The following FAM110A variants were observed in gnomAD, a reference collection of about 807,000 sequenced individuals.
FAM110A encodes the protein family with sequence similarity 110 member A.
In FAM110A, 1 loss-of-function variant was observed where a neutral mutation model predicts 4.0. The ratio of observed to expected loss-of-function variants is 0.25; its 90% CI spans 0.09 to 1.20. FAM110A has a LOEUF of 1.20. Among genes scored for constraint, FAM110A ranks in the 50% most tolerant of loss-of-function variants. The pLI, the probability that FAM110A is intolerant of heterozygous loss-of-function variation, is 0.50. For missense variants in FAM110A, 436 were observed against 429.2 expected (o/e 1.02, Z -0.14); for synonymous variants, 217 against 196.8 (o/e 1.10, Z -0.86).
Position 845,443 on chromosome 20 carries a change from G to A in FAM110A, c.639G>A (p.Pro213=), listed in dbSNP as rs1161219752. 6.2e-7 allele frequency: 1 copy of A among 1,613,690 alleles called. No homozygotes were observed. Among genetic ancestry groups the A allele is most frequent in the South Asian group, 1.1e-5 (1 of 91,066 alleles). ...TTTTTAACTTCTGCGGCCTGGACCC[G>A]GAGGAGGCGAGAGGGTTGGGTGTGG... ...ERFFNFCGLD[P]EEARGLGVAH... Residue 213 remains proline, a synonymous_variant, in exon 2 of 2, where the codon CCG becomes CCA. Coordinates refer to ENST00000381941, the MANE Select transcript of FAM110A (RefSeq NM_001042353.3).
Position 845,941 on chromosome 20 carries a change from A to C in FAM110A, c.*249A>C. 2 of 691,080 alleles carry C rather than the reference A, an allele frequency of 2.9e-6. No homozygotes were observed. Among genetic ancestry groups the C allele is most frequent in the South Asian group, 3.9e-5 (2 of 50,790 alleles). The allele number at this position is 691,080 out of a possible 1,614,324, so 42.8% of individuals were successfully genotyped here. A position where few individuals can be genotyped will look rare whatever the true frequency, so the allele number is the denominator to read the frequency against. ...CCTCCCCCAATACAAGGTTTTTGACATGAGTGTACTCCTGCTTAGTTCCTC... is the reference window on the plus strand; with the variant it reads ...CCTCCCCCAATACAAGGTTTTTGACCTGAGTGTACTCCTGCTTAGTTCCTC... On this transcript the variant is annotated 3_prime_UTR_variant, in exon 2 of 2. Coordinates refer to ENST00000381941, the MANE Select transcript of FAM110A (RefSeq NM_001042353.3).
At position 840,588 on chromosome 20, in the gene FAM110A, A is replaced by T. The variant is rs1422588883; in HGVS notation, c.-97-4120A>T. Among the ~76,000 whole-genome samples the T allele has an allele frequency of 6.6e-6, 1 of 152,180 alleles. No individual in the cohort carries two copies. The highest frequency in any genetic ancestry group is 1.9e-4 in the East Asian group (1 of 5,184). ...CAAAATTCTAGTTATTGTTGTTACT[A>T]TGACGGCTGTTGTTGCCGATGTTAA... On this transcript the variant is annotated intron_variant, in intron 1 of 1. Transcript: ENST00000381941. The surrounding 1 kb of genome is among the most constrained non-coding windows in gnomAD (Gnocchi z 4.4).
chr20:845,029 G>T lies in FAM110A; in HGVS notation c.225G>T (p.Pro75=), dbSNP rs537185607. 302 of 1,593,964 alleles carry T rather than the reference G, an allele frequency of 1.9e-4. 3 individuals carry two copies. In the South Asian group the frequency reaches 3.1e-3, roughly 16 times the overall value. Residue 75 remains proline, a synonymous_variant, in exon 2 of 2, where the codon CCG becomes CCT. Coordinates refer to ENST00000381941, the MANE Select transcript of FAM110A (RefSeq NM_001042353.3). ...EPVQPLLSKQ[P]LFSPETRRTV... is the part of the protein sequence containing the mutation. Reference sequence around the variant, plus strand: ...TGCAGCCCCTGCTGTCCAAACAGCCGCTCTTTAGCCCTGAGACTCGCCGCA... The same window carrying T: ...TGCAGCCCCTGCTGTCCAAACAGCCTCTCTTTAGCCCTGAGACTCGCCGCA...
At chr20:842,042 A>G (rs1399218731) in intron 1 of FAM110A, among the ~76,000 whole-genome samples, 6 of 152,214 alleles carry the variant, frequency 3.9e-5, no homozygotes, top group Non-Finnish European at 7.3e-5. Flanking sequence ...CCTTTTTGCC[A>G]GATGCCGAGG....
At chr20:838,688 G>C (rs1979711157) in intron 1 of FAM110A, among the ~76,000 whole-genome samples, 1 of 152,200 alleles carries the variant, frequency 6.6e-6, no homozygotes, top group South Asian at 2.1e-4. Flanking sequence ...CCTGAGGCAG[G>C]AAAGACCTTA....
Position 845,491 on chromosome 20 carries a change from G to A in FAM110A, c.687G>A (p.Ser229=), listed in dbSNP as rs1320355986. ...LGVAHLARAS[S]DIVSLAGPSA... ...TGGCCCACCTGGCACGGGCCAGCTC[G>A]GATATCGTGTCCCTGGCAGGGCCCA... is the stretch of plus-strand genomic sequence containing the variant. Residue 229 remains serine, a synonymous_variant, in exon 2 of 2, where the codon TCG becomes TCA. Coordinates refer to ENST00000381941, the MANE Select transcript of FAM110A (RefSeq NM_001042353.3). The A allele has an allele frequency of 1.2e-6, 2 of 1,612,612 alleles. No individual in the cohort carries two copies. Among genetic ancestry groups the A allele is most frequent in the East Asian group, 2.2e-5 (1 of 44,840 alleles).
In FAM110A at chr20:845,893, G is replaced by A. The variant is rs1007089538; in HGVS notation, c.*201G>A. 4.3e-6 allele frequency: 5 copies of A among 1,170,386 alleles called. No homozygotes were observed. The highest frequency in any genetic ancestry group is 1.6e-5 in the African/African-American group (1 of 63,740). The allele number at this position is 1,170,386 out of a possible 1,614,324, so 72.5% of individuals were successfully genotyped here. A position where few individuals can be genotyped will look rare whatever the true frequency, so the allele number is the denominator to read the frequency against. On this transcript the variant is annotated 3_prime_UTR_variant, in exon 2 of 2. Transcript: ENST00000381941. ...TCCAAGGGTTTTGTTCTTGGCTTTGGACACCTGAGAACCCCCTCCTCCCCT... is the reference window on the plus strand; with the variant it reads ...TCCAAGGGTTTTGTTCTTGGCTTTGAACACCTGAGAACCCCCTCCTCCCCT...
At chr20:841,029 C>G (rs1979860077) in intron 1 of FAM110A, among the ~76,000 whole-genome samples, 1 of 152,208 alleles carries the variant, frequency 6.6e-6, no homozygotes, top group South Asian at 2.1e-4. Flanking sequence ...CCTGCCAGAG[C>G]CACGGGGACC....
rs1979456843 is a variant in FAM110A at position 834,125 on chromosome 20, C to T, written c.-98+174C>T. 6.6e-6 allele frequency among the ~76,000 whole-genome samples: 1 copy of T among 152,218 alleles called. No homozygotes were observed. The highest frequency in any genetic ancestry group is 2.4e-5 in the African/African-American group (1 of 41,464). On this transcript the variant is annotated intron_variant, in intron 1 of 1. Transcript: ENST00000381941. This position sits in a 1 kb window ranked among gnomAD's most constrained non-coding sequence, Gnocchi z 5.6. ...GCGAGCTCTGGCGGAGAATCCAGTT[C>T]AAGTCTTTCTGCCCCACCTCGCAGC...
intron 1 of FAM110A, among the ~76,000 whole-genome samples, chr20:843,064 A>T (rs895227410): frequency 1.4e-4 from 21 of 152,284 alleles, no homozygotes; most frequent in Non-Finnish European, 2.8e-4. Context: ...TAAAACAACC[A>T]TACACAAATA....
chr20:844,409 C>G (rs1016612204), intron 1 of FAM110A, among the ~76,000 whole-genome samples: 1 of 149,616 alleles, frequency 6.7e-6, no homozygotes, highest in African/African-American at 2.5e-5. Flanking sequence ...CCCTTTAGCG[C>G]GTGCCTTGCC....
rs928979904 is a variant in FAM110A, at chr20:839,523, T to G, written c.-97-5185T>G. Reference sequence around the variant, plus strand: ...TTCGGTTGCTGACCCAGCCCCAGCCTCGGCTTTCTTGTCAGCACCAGGGGG... The same window carrying G: ...TTCGGTTGCTGACCCAGCCCCAGCCGCGGCTTTCTTGTCAGCACCAGGGGG... On this transcript the variant is annotated intron_variant, in intron 1 of 1. Coordinates refer to ENST00000381941, the MANE Select transcript of FAM110A (RefSeq NM_001042353.3). 1.8e-5 allele frequency: 19 copies of G among 1,031,222 alleles called. No individual in the cohort carries two copies. In the Admixed American group the frequency reaches 3.2e-4, roughly 17 times the overall value. The allele number at this position is 1,031,222 out of a possible 1,614,324, so 63.9% of individuals were successfully genotyped here.
At chr20:841,050 G>T (rs1381768408) in intron 1 of FAM110A, among the ~76,000 whole-genome samples, 1 of 152,214 alleles carries the variant, frequency 6.6e-6, no homozygotes, top group East Asian at 1.9e-4. Flanking sequence ...CCGCGCGCCA[G>T]GTGTGCGGTG....
chr20:844,608 C>T (rs1263502107), intron 1 of FAM110A, 100 bp from the exon 2 acceptor site: 1 of 822,720 alleles, frequency 1.2e-6, no homozygotes, highest in Non-Finnish European at 1.7e-6. Flanking sequence ...GTGGTCTCTA[C>T]CTTATAATAG....
In FAM110A at chr20:845,471, C is replaced by T. The variant is rs1980277017; in HGVS notation, c.667C>T (p.His223Tyr). ...GGAGGCGAGAGGGTTGGGTGTGGCCCACCTGGCACGGGCCAGCTCGGATAT... is the reference window on the plus strand; with the variant it reads ...GGAGGCGAGAGGGTTGGGTGTGGCCTACCTGGCACGGGCCAGCTCGGATAT... ...PEEARGLGVA[H>Y]LARASSDIVS... Residue 223 changes from histidine (H) to tyrosine (Y), a missense_variant, in exon 2 of 2, where the codon CAC becomes TAC. Coordinates refer to ENST00000381941, the MANE Select transcript of FAM110A (RefSeq NM_001042353.3). 1 of 1,613,210 alleles carries T rather than the reference C, an allele frequency of 6.2e-7. No individual in the cohort carries two copies. Among genetic ancestry groups the T allele is most frequent in the African/African-American group, 1.3e-5 (1 of 74,922 alleles).
chr20:836,864 A>G (rs1040177442), intron 1 of FAM110A, among the ~76,000 whole-genome samples: 4 of 151,014 alleles, frequency 2.6e-5, no homozygotes, highest in African/African-American at 9.7e-5. Flanking sequence ...CTTCACCAAC[A>G]CTTGTTATTT....
Position 845,001 on chromosome 20 carries a change from C to T in FAM110A, c.197C>T (p.Pro66Leu), listed in dbSNP as rs1484310994. The T allele has an allele frequency of 6.3e-7, 1 of 1,596,966 alleles. No individual in the cohort carries two copies. Among genetic ancestry groups the T allele is most frequent in the Admixed American group, 1.7e-5 (1 of 57,868 alleles). ...CACGTGGCCAACACCCGCCAGGAGC[C>T]TGTGCAGCCCCTGCTGTCCAAACAG... ...SLHVANTRQE[P>L]VQPLLSKQPL... Residue 66 changes from proline (P) to leucine (L), a missense_variant, in exon 2 of 2, where the codon CCT becomes CTT. By Grantham distance (98) the Pro-to-Leu change is moderately conservative. Transcript: ENST00000381941.
At chr20:839,567 G>C (rs1373447268) in intron 1 of FAM110A, 2 of 998,120 alleles carry the variant, frequency 2.0e-6, no homozygotes, top group African/African-American at 1.6e-5. Context: ...ACCGTCTGTA[G>C]GTATCTCTGT....
chr20:837,051 T>G (rs1276056065), intron 1 of FAM110A, among the ~76,000 whole-genome samples: 5 of 140,698 alleles, frequency 3.6e-5, no homozygotes, highest in South Asian at 2.5e-4. Context: ...CATTGTTTTT[T>G]TTTTTTTTTT....
Sources: gnomAD v4.1 joint callset for allele counts (sites outside exome capture counted in the v4.1 genomes callset) on GRCh38, gnomAD v4.1.1 for gene constraint, Gnocchi (gnomAD v3.1) non-coding constraint, MANE v1.5 for transcripts, NCBI Gene and HGNC (gene_info 2026-07-23, HGNC 2026-07-21) for gene names.